Variants in PDE3B observed in about 807,000 individuals in gnomAD.
The protein encoded by PDE3B is phosphodiesterase 3B, also known as cGMP-inhibited 3',5'-cyclic phosphodiesterase 3B.
PDE3B carries 66 observed loss-of-function variants against 116.8 expected under a neutral mutation model. That is an observed-to-expected ratio of 0.56 (90% CI 0.46 to 0.69). PDE3B has a LOEUF of 0.69. PDE3B is among the 30% of genes least tolerant of loss of function. The pLI is 0.00. For synonymous variants in PDE3B, 595 were observed against 533.6 expected (o/e 1.12, Z -1.59); for missense variants, 1,384 against 1,368.1 (o/e 1.01, Z -0.18).
At chr11:14,739,246 G>A (rs188056800) in intron 1 of PDE3B, among the ~76,000 whole-genome samples, 3 of 152,198 alleles carry the variant, frequency 2.0e-5, no homozygotes, top group African/African-American at 7.2e-5. Flanking sequence ...CGTGGAATGT[G>A]TTTCCATTTG....
At chr11:14,756,790 T>C (rs1857192790) in intron 1 of PDE3B, among the ~76,000 whole-genome samples, 1 of 94,704 alleles carries the variant, frequency 1.1e-5, no homozygotes, top group African/African-American at 4.7e-5. Flanking sequence ...CAAGATATCA[T>C]TTTAAGTGCT....
intron 5 of PDE3B, among the ~76,000 whole-genome samples, chr11:14,815,353 T>C (rs1432727589): frequency 6.6e-6 from 1 of 152,088 alleles, no homozygotes; most frequent in Non-Finnish European, 1.5e-5. Flanking sequence ...CAAAACAAGA[T>C]GTTGGCTCTA....
chr11:14,867,554 C>A lies in PDE3B; in HGVS notation c.2935C>A (p.Arg979Ser). Residue 979 changes from arginine (R) to serine (S), a missense_variant, in exon 15 of 16, where the codon CGT becomes AGT. By Grantham distance (110) the Arg-to-Ser change is moderately radical. Transcript: ENST00000282096. The stretch of plus-strand genomic sequence containing the variant: ...TCTGCCCATCAGTCCATTCATGGAT[C>A]GTTCTTCTCCTCAACTAGCAAAACT... ...LGLPISPFMD[R>S]SSPQLAKLQE... 6.2e-7 allele frequency: 1 copy of A among 1,613,748 alleles called. No individual in the cohort carries two copies. The highest frequency in any genetic ancestry group is 8.5e-7 in the Non-Finnish European group (1 of 1,179,708).
At chr11:14,709,537 C>A (rs1021246648) in intron 1 of PDE3B, among the ~76,000 whole-genome samples, 1 of 152,116 alleles carries the variant, frequency 6.6e-6, no homozygotes, top group Non-Finnish European at 1.5e-5. Flanking sequence ...ACAGTACCAA[C>A]CTGAAACTAT....
rs189797421 is a variant in PDE3B at position 14,763,663 on chromosome 11, G to A, written c.979-8274G>A. On this transcript the variant is annotated intron_variant, in intron 1 of 15. Transcript: ENST00000282096. Reference sequence around the variant, plus strand: ...CTACTACATTTATGGAAAAGTAGCTGTAGGCTGGAGCACAGACAGTTCATC... The same window carrying A: ...CTACTACATTTATGGAAAAGTAGCTATAGGCTGGAGCACAGACAGTTCATC... Among the ~76,000 whole-genome samples the A allele has an allele frequency of 3.3e-5, 5 of 152,284 alleles. No homozygotes were observed. The East Asian group carries it at 9.6e-4, about 29-fold the overall frequency.
intron 2 of PDE3B, among the ~76,000 whole-genome samples, chr11:14,779,048 C>G (rs188034066): frequency 1.3e-5 from 2 of 151,844 alleles, no homozygotes; most frequent in East Asian, 3.9e-4. Context: ...GTAGCCGATT[C>G]GATCAAGTAG....
chr11:14,861,275 G>T lies in PDE3B; in HGVS notation c.2795G>T (p.Cys932Phe). 3 of 1,610,836 alleles carry T rather than the reference G, an allele frequency of 1.9e-6. No homozygotes were observed. The highest frequency in any genetic ancestry group is 2.5e-6 in the Non-Finnish European group (3 of 1,177,038). Reference protein sequence around the residue: ...ENDRLLVCQVCIKLADINGPA... With the variant: ...ENDRLLVCQVFIKLADINGPA... Reference sequence around the variant, plus strand: ...GATCGCCTCTTGGTATGCCAGGTGTGCATCAAACTGGCAGATATAAATGGC... The same window carrying T: ...GATCGCCTCTTGGTATGCCAGGTGTTCATCAAACTGGCAGATATAAATGGC... The change falls in exon 14 of 16, where the codon TGC (cysteine) becomes TTC (phenylalanine). Residue 932 changes from cysteine to phenylalanine, a missense_variant. This residue lies in a region of PDE3B where 428 missense variants were observed against 561.4 expected (regional missense o/e 0.76). Transcript: ENST00000282096.
chr11:14,805,179 A>G (rs1285243598), intron 5 of PDE3B, among the ~76,000 whole-genome samples: 1 of 152,180 alleles, frequency 6.6e-6, no homozygotes, highest in Non-Finnish European at 1.5e-5. Flanking sequence ...ATACAAGAAA[A>G]TCACAGCTAG....
intron 5 of PDE3B, among the ~76,000 whole-genome samples, chr11:14,805,077 G>T (rs1858879414): frequency 6.6e-6 from 1 of 152,100 alleles, no homozygotes; most frequent in Non-Finnish European, 1.5e-5. Flanking sequence ...AGAAGGAAAG[G>T]AGAGAAACAA....
chr11:14,681,157 T>C (rs1854692617), intron 1 of PDE3B, among the ~76,000 whole-genome samples: 1 of 152,236 alleles, frequency 6.6e-6, no homozygotes, highest in South Asian at 2.1e-4. Flanking sequence ...TTAATATTTT[T>C]ATCAGTTGAA....
intron 11 of PDE3B, among the ~76,000 whole-genome samples, chr11:14,838,412 A>G (rs1309032002): frequency 6.6e-6 from 1 of 152,202 alleles, no homozygotes; most frequent in Non-Finnish European, 1.5e-5. Context: ...TAGAATTAAG[A>G]TATCAAATGG....
the PDE3B span, among the ~76,000 whole-genome samples, chr11:14,884,379 T>C: frequency 6.6e-6 from 1 of 151,684 alleles, no homozygotes; most frequent in Non-Finnish European, 1.5e-5. Flanking sequence ...ATGTCCTTTG[T>C]TAGGGACATG....
chr11:14,741,538 A>G (rs1856773426), intron 1 of PDE3B, among the ~76,000 whole-genome samples: 1 of 152,072 alleles, frequency 6.6e-6, no homozygotes, highest in Non-Finnish European at 1.5e-5. Flanking sequence ...TTGACTCTTT[A>G]TTCAATTTGC....
intron 1 of PDE3B, among the ~76,000 whole-genome samples, chr11:14,701,418 T>A (rs960013271): frequency 1.8e-4 from 28 of 151,714 alleles, no homozygotes; most frequent in African/African-American, 6.5e-4. Flanking sequence ...TTATACTTTT[T>A]AAATTTCCTT....
intron 1 of PDE3B, among the ~76,000 whole-genome samples, chr11:14,769,107 A>G (rs1857568660): frequency 6.6e-6 from 1 of 151,370 alleles, no homozygotes; most frequent in African/African-American, 2.4e-5. Flanking sequence ...TGCAAATAAG[A>G]TTGGGCTTTG....
At chr11:14,778,099 G>T (rs1857845387) in intron 2 of PDE3B, among the ~76,000 whole-genome samples, 1 of 152,200 alleles carries the variant, frequency 6.6e-6, no homozygotes, top group Non-Finnish European at 1.5e-5. Flanking sequence ...GAACTGCAAA[G>T]CAGCAGCGAG....
chr11:14,865,846 A>T (rs1456639849), intron 14 of PDE3B, among the ~76,000 whole-genome samples: 1 of 152,184 alleles, frequency 6.6e-6, no homozygotes, highest in African/African-American at 2.4e-5. Flanking sequence ...GTAATAAAAA[A>T]TAATAGTGTA....
the PDE3B span, among the ~76,000 whole-genome samples, chr11:14,899,118 T>C: frequency 6.6e-6 from 1 of 152,212 alleles, no homozygotes; most frequent in East Asian, 1.9e-4. Context: ...TGAAGAGCCA[T>C]GAACCCTGAC....
intron 1 of PDE3B, among the ~76,000 whole-genome samples, chr11:14,714,221 C>G (rs1446759270): frequency 6.7e-6 from 1 of 149,496 alleles, no homozygotes; most frequent in Admixed American, 6.6e-5. Context: ...AAAAAAAGAC[C>G]GTATAAATGT....
Sources: allele counts gnomAD v4.1 joint callset (sites outside exome capture counted in the v4.1 genomes callset), GRCh38; gene constraint gnomAD v4.1.1; regional missense constraint gnomAD v4.1.1; transcripts MANE v1.5; gene names NCBI Gene and HGNC (gene_info 2026-07-23, HGNC 2026-07-21).